The following WDR62 variants were observed in gnomAD, a reference collection of about 807,000 sequenced individuals.
WDR62 encodes the protein WD repeat-containing protein 62.
Under a neutral mutation model 160.6 loss-of-function variants are expected in WDR62, and 112 were observed. The observed-to-expected ratio is 0.70, with a 90% CI of 0.60 to 0.82. The LOEUF is 0.82. WDR62 is among the 40% of genes least tolerant of loss of function. The pLI is 0.00. For synonymous variants in WDR62, 792 were observed against 815.1 expected (o/e 0.97, Z 0.48); for missense variants, 1,819 against 1,983.8 (o/e 0.92, Z 1.58).
chr19:36,064,785 C>G (rs1483364109), intron 3 of WDR62, among the ~76,000 whole-genome samples: 1 of 151,490 alleles, frequency 6.6e-6, no homozygotes, highest in Non-Finnish European at 1.5e-5. Flanking sequence ...GTCGTGTTGG[C>G]CAGGCTGTTC....
At chr19:36,060,944 A>T (rs1970614360) in intron 3 of WDR62, 1 of 152,224 alleles carries the variant, frequency 6.6e-6, no homozygotes, top group South Asian at 2.1e-4. Context: ...TTTACTGGGG[A>T]AGGACCCGCT....
In WDR62 at chr19:36,103,412, C is replaced by T; in HGVS notation, c.3584C>T (p.Pro1195Leu). The T allele has an allele frequency of 6.2e-7, 1 of 1,614,098 alleles. No individual in the cohort carries two copies. Among genetic ancestry groups the T allele is most frequent in the Non-Finnish European group, 8.5e-7 (1 of 1,180,008 alleles). The change falls in exon 30 of 32, where the codon CCA (proline) becomes CTA (leucine). Residue 1195 changes from proline to leucine, a missense_variant. This residue lies in a region of WDR62 where 770 missense variants were observed against 734.2 expected (regional missense o/e 1.05). Transcript: ENST00000401500. ...GTGCTGCCCACAGACAGGAATCTCC[C>T]AACGCCCACATCTGCACCCACCCCA... ...SSVLPTDRNL[P>L]TPTSAPTPGL...
intron 9 of WDR62, among the ~76,000 whole-genome samples, chr19:36,079,588 T>A (rs1031706427): frequency 6.6e-6 from 1 of 152,238 alleles, no homozygotes; most frequent in Non-Finnish European, 1.5e-5. Flanking sequence ...CCAGTCCCTT[T>A]AGGCCTTACC....
intron 16 of WDR62, 106 bp from the exon 17 acceptor site, chr19:36,091,094 A>T: frequency 1.1e-6 from 1 of 949,238 alleles, no homozygotes. Flanking sequence ...CTGCCCTGCC[A>T]GAGTCCCATG....
chr19:36,104,484 G>T, intron 30 of WDR62, 34 bp from the exon 31 acceptor site: 1 of 1,611,642 alleles, frequency 6.2e-7, no homozygotes, highest in South Asian at 1.1e-5. Flanking sequence ...ATGGAATGCA[G>T]CTCATCTTGC....
intron 19 of WDR62, among the ~76,000 whole-genome samples, chr19:36,093,576 T>TGGTCCTGA (rs1329501235): frequency 1.3e-5 from 2 of 152,158 alleles, no homozygotes; most frequent in African/African-American, 4.8e-5. Flanking sequence ...CATGGGCCAC[T>TGGTCCTGA]GGTCCTGAGG....
intron 29 of WDR62, 42 bp from the exon 30 acceptor site, chr19:36,103,301 A>C (rs1973503641): frequency 6.2e-7 from 1 of 1,612,682 alleles, no homozygotes; most frequent in Non-Finnish European, 8.5e-7. Flanking sequence ...CCTAGCCATC[A>C]GTTCTGTGTG....
chr19:36,068,036 C>T (rs1437793049), intron 7 of WDR62, 26 bp downstream of exon 7: 1 of 1,606,176 alleles, frequency 6.2e-7, no homozygotes, highest in Non-Finnish European at 8.5e-7. Context: ...CTGCCATCAG[C>T]TGGACAGACT....
rs535488873 is a variant in WDR62 at position 36,067,333 on chromosome 19, G to T, written c.589G>T (p.Val197Leu). ...KKDIVVASNK[V>L]SCRVIALSFS... is the part of the protein sequence containing the mutation. ...AGACATCGTAGTGGCCTCCAACAAG[G>T]TATCTTGTAGAGTCATTGCCCTCTC... Residue 197 changes from valine to leucine, a missense_variant, in exon 6 of 32, where the codon GTA becomes TTA. Physicochemically the swap from Val to Leu is conservative, Grantham distance 32. Around this residue, in one of 3 missense-constraint regions of WDR62, gnomAD observed 934 missense variants for 1,157.2 expected, o/e 0.81. Transcript: ENST00000401500. The T allele has an allele frequency of 1.2e-6, 2 of 1,614,166 alleles. No individual in the cohort carries two copies. The highest frequency in any genetic ancestry group is 1.7e-6 in the Non-Finnish European group (2 of 1,180,022).
intron 10 of WDR62, among the ~76,000 whole-genome samples, chr19:36,082,233 A>G (rs555121206): frequency 6.6e-6 from 1 of 152,336 alleles, no homozygotes. Flanking sequence ...ATGCACAATC[A>G]CAAGTGCGAA....
Position 36,065,972 on chromosome 19 carries a change from C to G in WDR62, c.347C>G (p.Ala116Gly). Residue 116 changes from alanine to glycine, a missense_variant, in exon 4 of 32, where the codon GCT becomes GGT. Transcript: ENST00000401500. Reference protein sequence around the residue: ...IFNTARKSLSALAFSPDGKYI... With the variant: ...IFNTARKSLSGLAFSPDGKYI... Reference sequence around the variant, plus strand: ...TTTATCCCCAGGAAGTCTCTCAGTGCTCTGGCCTTCTCCCCTGATGGGAAG... The same window carrying G: ...TTTATCCCCAGGAAGTCTCTCAGTGGTCTGGCCTTCTCCCCTGATGGGAAG... The G allele has an allele frequency of 6.2e-7, 1 of 1,614,202 alleles. No homozygotes were observed. The highest frequency in any genetic ancestry group is 8.5e-7 in the Non-Finnish European group (1 of 1,180,032).
At chr19:36,067,511 C>T (rs907005657) in intron 6 of WDR62, 68 bp downstream of exon 6, 4 of 1,605,550 alleles carry the variant, frequency 2.5e-6, no homozygotes, top group African/African-American at 2.7e-5. Flanking sequence ...GCATGGTCTC[C>T]TGTTTCTCCC....
intron 7 of WDR62, among the ~76,000 whole-genome samples, chr19:36,069,034 C>A (rs999989252): frequency 6.6e-6 from 1 of 151,248 alleles, no homozygotes; most frequent in Non-Finnish European, 1.5e-5. Context: ...AGGGGCTGAC[C>A]CCCACCTCCC....
At chr19:36,065,266 G>C (rs1192229333) in intron 3 of WDR62, among the ~76,000 whole-genome samples, 1 of 152,090 alleles carries the variant, frequency 6.6e-6, no homozygotes. Flanking sequence ...GTCTCACTTA[G>C]CGACATTTAC....
chr19:36,064,743 A>AT (rs1327430598), intron 3 of WDR62, among the ~76,000 whole-genome samples: 1 of 151,828 alleles, frequency 6.6e-6, no homozygotes. Context: ...ACACCTGGCT[A>AT]TTTTTTGTAT....
intron 22 of WDR62, among the ~76,000 whole-genome samples, chr19:36,100,545 A>AT (rs962698948): frequency 6.6e-6 from 1 of 152,130 alleles, no homozygotes; most frequent in African/African-American, 2.4e-5. Context: ...TGGGCCTCCT[A>AT]TTTTTGGTGC....
intron 15 of WDR62, among the ~76,000 whole-genome samples, chr19:36,089,532 CCTGGGTTCAAG>C (rs1446701915): frequency 6.6e-6 from 1 of 152,218 alleles, no homozygotes; most frequent in Non-Finnish European, 1.5e-5. Flanking sequence ...ACCTCCACCT[CCTGGGTTCAAG>C]TGATTCTCCT....
At position 36,103,872 on chromosome 19, in the gene WDR62, C is replaced by T. The variant is rs1353611427; in HGVS notation, c.4044C>T (p.Leu1348=). 1 of 1,601,846 alleles carries T rather than the reference C, an allele frequency of 6.2e-7. No individual in the cohort carries two copies. Among genetic ancestry groups the T allele is most frequent in the Non-Finnish European group, 8.5e-7 (1 of 1,179,918 alleles). ...RLHGSAFRPS[L]PAPESPGLPA... ...ACGGCTCTGCCTTTCGCCCAAGTCT[C>T]CCAGCTCCTGAGTCCCCTGGCCTTC... The change falls in exon 30 of 32, where the codon CTC becomes CTT. Residue 1348 remains leucine, a synonymous_variant. Transcript: ENST00000401500.
chr19:36,074,732 CTT>C, intron 9 of WDR62, among the ~76,000 whole-genome samples: 1 of 152,194 alleles, frequency 6.6e-6, no homozygotes, highest in South Asian at 2.1e-4. Flanking sequence ...GTTGACAGCA[CTT>C]TTTTTCCACT....
Sources: allele counts gnomAD v4.1 joint callset (sites outside exome capture counted in the v4.1 genomes callset), GRCh38; gene constraint gnomAD v4.1.1; regional missense constraint gnomAD v4.1.1; transcripts MANE v1.5; gene names NCBI Gene and HGNC (gene_info 2026-07-23, HGNC 2026-07-21).